The following CRPPA variants were observed in gnomAD, a reference collection of about 807,000 sequenced individuals.
CRPPA encodes CDP-L-ribitol pyrophosphorylase A, also known as D-ribitol-5-phosphate cytidylyltransferase.
A neutral mutation model predicts 52.0 loss-of-function variants in CRPPA; 43 were observed. That is an observed-to-expected ratio of 0.83 (90% CI 0.65 to 1.07). CRPPA has a LOEUF of 1.07. CRPPA is among the 50% of genes least tolerant of loss of function. The probability of loss-of-function intolerance (pLI) is 0.00; values close to 1 mark genes in which losing one functional copy is unlikely to be tolerated. For synonymous variants in CRPPA, 250 were observed against 203.5 expected, an observed-to-expected ratio of 1.23 and a Z score of -1.94; for missense variants, 629 against 551.7, an observed-to-expected ratio of 1.14 and a Z score of -1.40.
At chr7:16,385,786 T>A (rs985079029) in intron 2 of CRPPA, among the ~76,000 whole-genome samples, 3 of 152,122 alleles carry the variant, frequency 2.0e-5, no homozygotes, top group Non-Finnish European at 2.9e-5. Flanking sequence ...TGACCCCCCC[T>A]CACAGGACCT....
intron 8 of CRPPA, among the ~76,000 whole-genome samples, chr7:16,240,066 T>C (rs1443409089): frequency 6.6e-6 from 1 of 151,956 alleles, no homozygotes; most frequent in Non-Finnish European, 1.5e-5. Flanking sequence ...CTATATCCCA[T>C]AACACAAACT....
intron 8 of CRPPA, among the ~76,000 whole-genome samples, chr7:16,239,584 A>AC (rs1783052035): frequency 1.4e-5 from 2 of 147,582 alleles, no homozygotes; most frequent in Non-Finnish European, 3.0e-5. Context: ...AAAAAAAAAA[A>AC]CTAGTGAGAG....
At chr7:16,230,183 C>T (rs1005261813) in intron 8 of CRPPA, among the ~76,000 whole-genome samples, 1 of 152,072 alleles carries the variant, frequency 6.6e-6, no homozygotes. Flanking sequence ...TTACACTGTT[C>T]TCCAAAATTA....
chr7:16,250,076 G>A (rs978968326), intron 8 of CRPPA, among the ~76,000 whole-genome samples: 1 of 152,164 alleles, frequency 6.6e-6, no homozygotes, highest in Admixed American at 6.5e-5. Context: ...CAAGAACTTC[G>A]TGAAGCATAC....
chr7:16,307,837 G>T (rs1784945611), intron 4 of CRPPA, among the ~76,000 whole-genome samples: 1 of 150,362 alleles, frequency 6.7e-6, no homozygotes, highest in South Asian at 2.1e-4. Flanking sequence ...ACCCAGTTAA[G>T]TTGGAGCAAC....
At chr7:16,152,625 T>C (rs1460929774) in intron 9 of CRPPA, among the ~76,000 whole-genome samples, 1 of 152,032 alleles carries the variant, frequency 6.6e-6, no homozygotes, top group Non-Finnish European at 1.5e-5. Flanking sequence ...AATACTTTAA[T>C]CGCTGTTTTT....
At chr7:16,402,310 T>C (rs1245816377) in intron 2 of CRPPA, among the ~76,000 whole-genome samples, 1 of 152,182 alleles carries the variant, frequency 6.6e-6, no homozygotes, top group Non-Finnish European at 1.5e-5. Flanking sequence ...AAGCCAAGAA[T>C]TAATGTAAAG....
chr7:16,229,356 T>C (rs1177915643), intron 8 of CRPPA, among the ~76,000 whole-genome samples: 1 of 152,196 alleles, frequency 6.6e-6, no homozygotes, highest in East Asian at 1.9e-4. Context: ...TTTTGTTCCT[T>C]TCTTCCTCTA....
rs147028317 is a variant in CRPPA, at chr7:16,171,323, G to A, written c.1251+44743C>T. Among the ~76,000 whole-genome samples, 891 of 152,002 alleles carry A rather than the reference G, an allele frequency of 5.9e-3. 10 individuals are homozygous for A. The highest frequency in any genetic ancestry group is 0.02 in the African/African-American group (848 of 41,448). ...AAAATTTACACAATAAAATATAAACGTTACTTTTTTTAATACTACTTCTCT... is the reference window on the plus strand; with the variant it reads ...AAAATTTACACAATAAAATATAAACATTACTTTTTTTAATACTACTTCTCT... On this transcript the variant is annotated intron_variant, in intron 9 of 9. Transcript: ENST00000407010.
chr7:16,365,262 T>C (rs1239921101), intron 3 of CRPPA, among the ~76,000 whole-genome samples: 1 of 152,204 alleles, frequency 6.6e-6, no homozygotes, highest in Admixed American at 6.5e-5. Flanking sequence ...AGATGTCAGA[T>C]GAACTCTCAG....
At chr7:16,306,396 A>G (rs1784912057) in intron 4 of CRPPA, among the ~76,000 whole-genome samples, 1 of 152,230 alleles carries the variant, frequency 6.6e-6, no homozygotes. Flanking sequence ...GAGCATCAAG[A>G]TGTACCTGAG....
At chr7:16,186,498 G>A (rs1315847324) in intron 9 of CRPPA, among the ~76,000 whole-genome samples, 1 of 152,138 alleles carries the variant, frequency 6.6e-6, no homozygotes, top group African/African-American at 2.4e-5. Flanking sequence ...ATTTTCTGCT[G>A]TTTATAAGCC....
chr7:16,149,508 T>C (rs1353077715), intron 9 of CRPPA, among the ~76,000 whole-genome samples: 1 of 152,080 alleles, frequency 6.6e-6, no homozygotes, highest in Non-Finnish European at 1.5e-5. Flanking sequence ...ACAATACACA[T>C]TGGAAACATG....
intron 8 of CRPPA, among the ~76,000 whole-genome samples, chr7:16,229,981 C>T (rs1562572029): frequency 1.3e-5 from 2 of 151,988 alleles, no homozygotes; most frequent in Non-Finnish European, 2.9e-5. Context: ...TCCTGGCCTA[C>T]AAGATTTCTG....
intron 9 of CRPPA, among the ~76,000 whole-genome samples, chr7:16,188,045 T>A (rs1193933946): frequency 1.1e-5 from 1 of 88,246 alleles, no homozygotes; most frequent in Admixed American, 1.1e-4. Context: ...TGGGTGAATT[T>A]TTTTTTTTTT....
chr7:16,286,070 T>TTTA (rs1562608552), intron 5 of CRPPA, among the ~76,000 whole-genome samples: 7 of 21,772 alleles, frequency 3.2e-4, no homozygotes, highest in African/African-American at 2.2e-3. Flanking sequence ...TATATATATA[T>TTTA]ATATATATAT....
rs563506658 is a variant in CRPPA at position 16,271,638 on chromosome 7, A to G, written c.933+6491T>C. Among the ~76,000 whole-genome samples, 68 of 152,228 alleles carry G rather than the reference A, an allele frequency of 4.5e-4. No homozygotes were observed. In the South Asian group the frequency reaches 0.014, roughly 31 times the overall value. ...TACTTCTGGTTTGTTCTTTAAATAG[A>G]TAATTATTTATTGCCCTTAAAGACT... On this transcript the variant is annotated intron_variant, in intron 6 of 9. Transcript: ENST00000407010.
At chr7:16,124,111 TTTTA>T (rs1782530053) in intron 9 of CRPPA, among the ~76,000 whole-genome samples, 2 of 146,126 alleles carry the variant, frequency 1.4e-5, no homozygotes, top group Non-Finnish European at 1.5e-5. Flanking sequence ...TTCTTTCTTT[TTTTA>T]TTTTTTTTTT....
chr7:16,219,197 A>G (rs1311721567), intron 8 of CRPPA, among the ~76,000 whole-genome samples: 2 of 151,798 alleles, frequency 1.3e-5, no homozygotes, highest in East Asian at 1.9e-4. Flanking sequence ...TGACTACTGG[A>G]TACATAACGA....
Sources: allele counts gnomAD v4.1 joint callset (sites outside exome capture counted in the v4.1 genomes callset), GRCh38; gene constraint gnomAD v4.1.1; transcripts MANE v1.5; gene names NCBI Gene and HGNC (gene_info 2026-07-23, HGNC 2026-07-21).